Variants in CD96 observed in about 807,000 individuals in gnomAD.
The protein encoded by CD96 is T-cell surface protein tactile.
CD96 carries 70 observed loss-of-function variants against 71.3 expected under a neutral mutation model. The ratio of observed to expected loss-of-function variants is 0.98; its 90% CI spans 0.81 to 1.20. The LOEUF is 1.20. Ranked by LOEUF, CD96 falls within the 50% of genes most tolerant of loss-of-function variation. The pLI, the probability that CD96 is intolerant of heterozygous loss-of-function variation, is 0.00. For missense variants in CD96, 742 were observed against 677.5 expected, an observed-to-expected ratio of 1.10 and a Z score of -1.06; for synonymous variants, 248 against 233.0, an observed-to-expected ratio of 1.06 and a Z score of -0.59.
At chr3:111,602,971 C>T (rs953670250) in intron 7 of CD96, among the ~76,000 whole-genome samples, 1 of 152,062 alleles carries the variant, frequency 6.6e-6, no homozygotes, top group African/African-American at 2.4e-5. Context: ...GAGGTGATTC[C>T]TTCTCCACCT....
At chr3:111,566,234 C>T (rs2107543953) in intron 2 of CD96, among the ~76,000 whole-genome samples, 1 of 151,554 alleles carries the variant, frequency 6.6e-6, no homozygotes. Context: ...CTCAATGATC[C>T]ATTAATTATA....
intron 12 of CD96, among the ~76,000 whole-genome samples, chr3:111,643,488 G>A (rs144979220): frequency 3.0e-4 from 46 of 152,164 alleles, no homozygotes; most frequent in African/African-American, 1.0e-3. Flanking sequence ...AAAGCAATCA[G>A]ACAAGAGAAA....
intron 2 of CD96, among the ~76,000 whole-genome samples, chr3:111,557,525 G>A (rs902389055): frequency 3.1e-5 from 4 of 129,300 alleles, no homozygotes; most frequent in Non-Finnish European, 4.8e-5. Flanking sequence ...TAGGTATGCG[G>A]CGTTAATTCT....
intron 14 of CD96, among the ~76,000 whole-genome samples, chr3:111,658,702 A>G (rs911124985): frequency 2.0e-5 from 3 of 152,206 alleles, no homozygotes; most frequent in African/African-American, 7.2e-5. Flanking sequence ...CAAATGTAAT[A>G]CTCTGGGAAG....
At chr3:111,608,951 C>T (rs908653733) in intron 8 of CD96, among the ~76,000 whole-genome samples, 1 of 151,948 alleles carries the variant, frequency 6.6e-6, no homozygotes, top group African/African-American at 2.4e-5. Flanking sequence ...AGGTGGTGTA[C>T]CTTACAGAAT....
intron 3 of CD96, among the ~76,000 whole-genome samples, chr3:111,574,951 CTTT>C (rs11310598): frequency 1.4e-5 from 2 of 145,584 alleles, no homozygotes; most frequent in Non-Finnish European, 3.0e-5. Flanking sequence ...ACCCAGCTAA[CTTT>C]TTTTTTTTTT....
chr3:111,561,554 C>T (rs1259528729), intron 2 of CD96, among the ~76,000 whole-genome samples: 6 of 147,992 alleles, frequency 4.1e-5, no homozygotes, highest in African/African-American at 4.9e-5. Flanking sequence ...CTTGAGGAGG[C>T]AGTCTGCCGG....
At chr3:111,632,384 A>G (rs750478559) in intron 10 of CD96, among the ~76,000 whole-genome samples, 23 of 152,188 alleles carry the variant, frequency 1.5e-4, no homozygotes, top group Non-Finnish European at 7.4e-5. Flanking sequence ...AACATCACTG[A>G]TCATTAGAGA....
At position 111,543,991 on chromosome 3, in the gene CD96, C is replaced by T. The variant is rs149718368; in HGVS notation, c.62-1055C>T. Reference sequence around the variant, plus strand: ...CATGAGTCTGCTGTGGGCCTGGATGCCTGAATTAAATAAAGTTCTCTTTGG... The same window carrying T: ...CATGAGTCTGCTGTGGGCCTGGATGTCTGAATTAAATAAAGTTCTCTTTGG... On this transcript the variant is annotated intron_variant, in intron 1 of 13. Coordinates refer to ENST00000352690, the MANE Select transcript of CD96 (RefSeq NM_005816.5). 4.6e-3 allele frequency among the ~76,000 whole-genome samples: 695 copies of T among 152,230 alleles called. 6 individuals are homozygous for T. The highest frequency in any genetic ancestry group is 0.016 in the African/African-American group (656 of 41,528).
In CD96 at chr3:111,650,054, G is replaced by T. The variant is rs941460177; in HGVS notation, c.*248G>T. On this transcript the variant is annotated 3_prime_UTR_variant, in exon 14 of 14. Coordinates refer to ENST00000352690, the MANE Select transcript of CD96 (RefSeq NM_005816.5). ...AATTCGTAGTGGTTTTCTTGCTTAT[G>T]TAAGAAGTACATATTAGTCTGCCAT... is the stretch of plus-strand genomic sequence containing the variant. 2 of 498,818 alleles carry T rather than the reference G, an allele frequency of 4.0e-6. No individual in the cohort carries two copies. Among genetic ancestry groups the T allele is most frequent in the African/African-American group, 3.9e-5 (2 of 51,516 alleles). The allele number at this position is 498,818 out of a possible 1,614,324, so 30.9% of individuals were successfully genotyped here.
chr3:111,552,091 T>C (rs1396961871), intron 2 of CD96, among the ~76,000 whole-genome samples: 1 of 152,182 alleles, frequency 6.6e-6, no homozygotes, highest in Non-Finnish European at 1.5e-5. Context: ...TGCATATATG[T>C]CTTCTTTTGA....
rs757648746 is a variant in CD96 at position 111,594,147 on chromosome 3, C to A, written c.808-3973C>A. ...TCTTCCTCCTCCTTCATCTCTAAGT[C>A]CCCTTTTGCCTTCATCATTGTTCCC... is the stretch of plus-strand genomic sequence containing the variant. On this transcript the variant is annotated intron_variant, in intron 5 of 13. Transcript: ENST00000352690. 5.6e-6 allele frequency: 9 copies of A among 1,612,750 alleles called. No individual in the cohort carries two copies. The African/African-American group carries it at 1.1e-4, about 19-fold the overall frequency.
intron 1 of CD96, among the ~76,000 whole-genome samples, chr3:111,543,782 C>A (rs998345376): frequency 5.3e-5 from 8 of 152,164 alleles, no homozygotes; most frequent in Admixed American, 6.5e-5. Context: ...TTTTACCTTA[C>A]CCCATCTCTG....
chr3:111,618,727 T>G (rs988321698), intron 8 of CD96, among the ~76,000 whole-genome samples: 1 of 151,614 alleles, frequency 6.6e-6, no homozygotes, highest in Non-Finnish European at 1.5e-5. Flanking sequence ...TGGGACTACA[T>G]GTCCAGCTAA....
intron 10 of CD96, among the ~76,000 whole-genome samples, chr3:111,629,511 T>G (rs1296559820): frequency 2.0e-5 from 3 of 152,182 alleles, no homozygotes. Context: ...CTCAGATTCA[T>G]AAAGAAAGTT....
At chr3:111,626,775 A>G (rs1938789235) in intron 10 of CD96, among the ~76,000 whole-genome samples, 1 of 152,238 alleles carries the variant, frequency 6.6e-6, no homozygotes, top group Admixed American at 6.5e-5. Flanking sequence ...GCAACCATAT[A>G]CAACAGCATG....
intron 1 of CD96, among the ~76,000 whole-genome samples, chr3:111,543,483 A>G (rs1007515061): frequency 6.6e-6 from 1 of 152,202 alleles, no homozygotes; most frequent in Non-Finnish European, 1.5e-5. Flanking sequence ...CAATCCTTGT[A>G]TATTGAAAGT....
intron 2 of CD96, among the ~76,000 whole-genome samples, chr3:111,564,205 T>C (rs912929152): frequency 3.9e-5 from 6 of 152,020 alleles, no homozygotes; most frequent in African/African-American, 1.4e-4. Context: ...TCTTGAATTA[T>C]AGTTTTTAAT....
chr3:111,587,990 A>G (rs1255978722), intron 5 of CD96, among the ~76,000 whole-genome samples: 2 of 152,178 alleles, frequency 1.3e-5, no homozygotes, highest in African/African-American at 4.8e-5. Context: ...AGTCTCCAAC[A>G]TGCCCTGGAA....
Sources: gnomAD v4.1 joint callset for allele counts (sites outside exome capture counted in the v4.1 genomes callset) on GRCh38, gnomAD v4.1.1 for gene constraint, MANE v1.5 for transcripts, NCBI Gene and HGNC (gene_info 2026-07-23, HGNC 2026-07-21) for gene names.